The following AGBL1 variants were observed in gnomAD, a reference collection of about 807,000 sequenced individuals.
AGBL1 encodes the protein AGBL carboxypeptidase 1, also known as cytosolic carboxypeptidase 4.
In AGBL1, 130 loss-of-function variants were observed where a neutral mutation model predicts 118.9. The observed-to-expected ratio is 1.09, with a 90% CI of 0.95 to 1.26. AGBL1 has a LOEUF of 1.26. AGBL1 is among the 50% of genes most tolerant of loss of function. The pLI, the probability that AGBL1 is intolerant of heterozygous loss-of-function variation, is 0.00. For synonymous variants in AGBL1, 555 were observed against 478.9 expected (o/e 1.16, Z -2.08); for missense variants, 1,584 against 1,298.1 (o/e 1.22, Z -3.38).
chr15:86,975,887 T>A (rs2081172184), intron 23 of AGBL1, among the ~76,000 whole-genome samples: 1 of 151,088 alleles, frequency 6.6e-6, no homozygotes, highest in Admixed American at 6.7e-5. Flanking sequence ...TCTGCATGAT[T>A]GTTTGGCCTG....
chr15:86,722,187 C>T (rs886345953), intron 22 of AGBL1, among the ~76,000 whole-genome samples: 16 of 152,286 alleles, frequency 1.1e-4, no homozygotes, highest in African/African-American at 3.6e-4. Flanking sequence ...AAAAGAGAGC[C>T]CGCATTGCCA....
intron 18 of AGBL1, among the ~76,000 whole-genome samples, chr15:86,464,699 A>T (rs1203951966): frequency 6.6e-6 from 1 of 152,132 alleles, no homozygotes; most frequent in Non-Finnish European, 1.5e-5. Flanking sequence ...TGAGATAATC[A>T]TGTGGTTCTT....
chr15:86,303,332 T>C (rs2079784406), intron 17 of AGBL1, among the ~76,000 whole-genome samples: 1 of 152,092 alleles, frequency 6.6e-6, no homozygotes, highest in African/African-American at 2.4e-5. Context: ...CAAAGGAAGA[T>C]AGGTCTAGGG....
intron 15 of AGBL1, 40 bp downstream of exon 15, chr15:86,271,746 TA>T: frequency 6.5e-7 from 1 of 1,532,220 alleles, no homozygotes; most frequent in Non-Finnish European, 9.0e-7. Flanking sequence ...CTCTGTCCTG[TA>T]ATTTTCTCTC....
At chr15:86,921,684 G>C (rs1003791314) in intron 23 of AGBL1, among the ~76,000 whole-genome samples, 6 of 152,144 alleles carry the variant, frequency 3.9e-5, no homozygotes, top group African/African-American at 1.4e-4. Context: ...AGTGGGACAG[G>C]AATAGGATGC....
chr15:86,684,330 C>T (rs780813916), intron 22 of AGBL1, among the ~76,000 whole-genome samples: 25 of 152,224 alleles, frequency 1.6e-4, no homozygotes, highest in Non-Finnish European at 2.6e-4. Context: ...GTTGCCCCCT[C>T]TCAGGAAGGA....
At chr15:86,988,019 TTTG>T in exon 24 of AGBL1, 1 of 1,613,682 alleles carries the variant, frequency 6.2e-7, no homozygotes, top group South Asian at 1.1e-5. Flanking sequence ...CCAAAGCATA[TTTG>T]GTTTGCTTAC....
intron 22 of AGBL1, among the ~76,000 whole-genome samples, chr15:86,684,747 T>A (rs2142579184): frequency 6.6e-6 from 1 of 152,274 alleles, no homozygotes; most frequent in East Asian, 1.9e-4. Context: ...ACTCTCAGAT[T>A]TTTTGGCTTT....
chr15:86,620,852 A>G lies in AGBL1; in HGVS notation c.2995-53421A>G, dbSNP rs1388482078. Among the ~76,000 whole-genome samples, 5 of 151,444 alleles carry G rather than the reference A, an allele frequency of 3.3e-5. No homozygotes were observed. In the South Asian group the frequency reaches 1.0e-3, roughly 31 times the overall value. On this transcript the variant is annotated intron_variant, in intron 21 of 22. Transcript: ENST00000614907. ...GCATTGCATGACTGGTCTAAATCCG[A>G]CTTGCCGCCTGCATGTCTCTCTTCA...
chr15:86,972,524 A>G (rs574175360), intron 23 of AGBL1, among the ~76,000 whole-genome samples: 17 of 152,182 alleles, frequency 1.1e-4, no homozygotes, highest in Non-Finnish European at 1.9e-4. Context: ...TTTGAAAATA[A>G]GAATCTTATC....
At chr15:86,951,343 CAAAT>C (rs905721401) in intron 23 of AGBL1, among the ~76,000 whole-genome samples, 5 of 152,170 alleles carry the variant, frequency 3.3e-5, no homozygotes, top group Admixed American at 6.5e-5. Context: ...ATACTCAAGA[CAAAT>C]AAATACTTAC....
chr15:86,377,695 G>C (rs964221031), intron 17 of AGBL1, among the ~76,000 whole-genome samples: 1 of 152,164 alleles, frequency 6.6e-6, no homozygotes, highest in Non-Finnish European at 1.5e-5. Flanking sequence ...ACCATGTAGA[G>C]TAGGTTAGGG....
intron 18 of AGBL1, among the ~76,000 whole-genome samples, chr15:86,517,882 G>T (rs895909294): frequency 6.6e-6 from 1 of 152,092 alleles, no homozygotes; most frequent in African/African-American, 2.4e-5. Flanking sequence ...CATGCTCTTC[G>T]TCGTGTTCTT....
chr15:86,852,383 TG>T (rs2079420157), intron 22 of AGBL1, among the ~76,000 whole-genome samples: 1 of 152,152 alleles, frequency 6.6e-6, no homozygotes. Context: ...CTTCGACACA[TG>T]TGGATTACAA....
intron 22 of AGBL1, among the ~76,000 whole-genome samples, chr15:86,770,236 C>T (rs1323156433): frequency 6.6e-6 from 1 of 151,934 alleles, no homozygotes; most frequent in Non-Finnish European, 1.5e-5. Flanking sequence ...CTGGGTCCTG[C>T]TCTCATGAAG....
At chr15:86,095,646 CCTTTTTTTTTTTTTTT>C (rs1270972535) in intron 1 of AGBL1, among the ~76,000 whole-genome samples, 1 of 116,684 alleles carries the variant, frequency 8.6e-6, no homozygotes, top group African/African-American at 3.1e-5. Context: ...ACCTTGGATA[CCTTTTTTTTTTTTTTT>C]TTTTTTTTTT....
chr15:86,789,997 A>C (rs150406330), intron 22 of AGBL1, among the ~76,000 whole-genome samples: 248 of 152,192 alleles, frequency 1.6e-3, no homozygotes, highest in African/African-American at 3.9e-3. Flanking sequence ...GCTTTCTCTT[A>C]TCTGATTTCT....
At chr15:86,764,043 T>C (rs116956445) in intron 22 of AGBL1, among the ~76,000 whole-genome samples, 2,421 of 150,270 alleles carry the variant, frequency 0.016, 39 homozygotes, top group Non-Finnish European at 0.025. Flanking sequence ...ACAGACAGGT[T>C]GGGTAGAAGT....
intron 22 of AGBL1, among the ~76,000 whole-genome samples, chr15:86,876,490 C>T (rs2079810361): frequency 1.3e-5 from 2 of 152,174 alleles, no homozygotes; most frequent in South Asian, 2.1e-4. Flanking sequence ...AACTCCCTCT[C>T]CTGCGGGAAC....
Sources: allele counts gnomAD v4.1 joint callset (sites outside exome capture counted in the v4.1 genomes callset), GRCh38; gene constraint gnomAD v4.1.1; transcripts MANE v1.5; gene names NCBI Gene and HGNC (gene_info 2026-07-23, HGNC 2026-07-21).